Variants in LRPPRC observed in about 807,000 individuals in gnomAD.
The protein encoded by LRPPRC is leucine-rich PPR motif-containing protein, mitochondrial.
LRPPRC carries 120 observed loss-of-function variants against 180.3 expected under a neutral mutation model. The ratio of observed to expected loss-of-function variants is 0.67; its 90% confidence interval spans 0.57 to 0.77. LRPPRC has a LOEUF of 0.77. Ranked by LOEUF, LRPPRC falls within the 30% of genes least tolerant of loss-of-function variation. LRPPRC has a pLI of 0.00. For missense variants in LRPPRC, 2,012 were observed against 1,657.2 expected (o/e 1.21, Z -3.72); for synonymous variants, 723 against 600.0 (o/e 1.21, Z -3.00).
rs1372306109 is a variant in LRPPRC at position 43,928,656 on chromosome 2, T to C, written c.2737-2695A>G. ...GTCCCAGCTACTCGGGAGACTGAAA[T>C]AGGAGAACTGCTTGAGGCCAGGAGT... is the stretch of plus-strand genomic sequence containing the variant. On this transcript the variant is annotated intron_variant, in intron 25 of 37. Transcript: ENST00000260665. 2.0e-5 allele frequency among the ~76,000 whole-genome samples: 3 copies of C among 152,004 alleles called. 1 individual carries two copies. The South Asian group carries it at 6.2e-4, about 32-fold the overall frequency.
Position 43,994,610 on chromosome 2 carries a change from C to A in LRPPRC, c.149+1189G>T, listed in dbSNP as rs543587199. Among the ~76,000 whole-genome samples, 8 of 152,316 alleles carry A rather than the reference C, an allele frequency of 5.3e-5. No homozygotes were observed. In the South Asian group the frequency reaches 1.7e-3, roughly 32 times the overall value. On this transcript the variant is annotated intron_variant, in intron 1 of 37. Transcript: ENST00000260665. ...AATCTGGAGTAGGCTGCAGTCTGGG[C>A]CCAGCCTACTGCAGATCCCTGGCTC...
At chr2:43,929,957 CAAA>C (rs2105050798) in intron 25 of LRPPRC, among the ~76,000 whole-genome samples, 1 of 137,912 alleles carries the variant, frequency 7.3e-6, no homozygotes, top group Admixed American at 7.2e-5. Context: ...CAAAAACAAA[CAAA>C]CAAACAAACA....
chr2:43,903,665 G>A (rs1670966300), intron 31 of LRPPRC: 1 of 152,172 alleles, frequency 6.6e-6, no homozygotes. Flanking sequence ...GAACAGCTCA[G>A]AAGAGTAGAT....
At chr2:43,994,448 G>A (rs937364709) in intron 1 of LRPPRC, among the ~76,000 whole-genome samples, 1 of 152,192 alleles carries the variant, frequency 6.6e-6, no homozygotes, top group African/African-American at 2.4e-5. Context: ...TATACTAAGT[G>A]CTTAATACAG....
intron 22 of LRPPRC, among the ~76,000 whole-genome samples, chr2:43,944,784 G>A (rs185324043): frequency 2.2e-4 from 34 of 152,080 alleles, no homozygotes; most frequent in African/African-American, 7.5e-4. Flanking sequence ...TTATCTCAAC[G>A]AGAAAATTTG....
At chr2:43,928,023 GA>G (rs35694437) in intron 25 of LRPPRC, among the ~76,000 whole-genome samples, 90,883 of 152,080 alleles carry the variant, frequency 0.6, 28,249 homozygotes, top group East Asian at 0.95. Context: ...AATATAACAT[GA>G]AAAAACAGTT....
intron 1 of LRPPRC, among the ~76,000 whole-genome samples, chr2:43,991,539 T>C (rs934976442): frequency 2.6e-5 from 4 of 152,162 alleles, no homozygotes; most frequent in Admixed American, 2.6e-4. Flanking sequence ...ACAAGTATTA[T>C]GCTAAAAACC....
At chr2:43,949,062 TG>T (rs1345714304) in intron 16 of LRPPRC, among the ~76,000 whole-genome samples, 1 of 152,170 alleles carries the variant, frequency 6.6e-6, no homozygotes, top group Admixed American at 6.5e-5. Flanking sequence ...AATTTTCCTT[TG>T]CATTCAAGCA....
chr2:43,969,213 C>T (rs1241935438), intron 11 of LRPPRC, among the ~76,000 whole-genome samples: 1 of 152,086 alleles, frequency 6.6e-6, no homozygotes, highest in African/African-American at 2.4e-5. Flanking sequence ...GAGATCGAGA[C>T]CATTCTGGCT....
intron 14 of LRPPRC, among the ~76,000 whole-genome samples, chr2:43,951,531 TATG>T (rs1332257736): frequency 3.9e-5 from 6 of 152,224 alleles, no homozygotes; most frequent in Admixed American, 3.3e-4. Context: ...TTTTGTCAGG[TATG>T]ATATTACGGT....
Position 43,949,720 on chromosome 2 carries a change from T to G in LRPPRC, c.1678-61A>C. 13 of 1,103,244 alleles carry G rather than the reference T, an allele frequency of 1.2e-5. No individual in the cohort carries two copies. The South Asian group carries it at 1.6e-4, about 14-fold the overall frequency. The allele number at this position is 1,103,244 out of a possible 1,614,324, so 68.3% of individuals were successfully genotyped here. ...GAAGCAAACAAGAACAAACACAATC[T>G]GAAATTGAATTCTTGAAATAATAAA... On this transcript the variant is annotated intron_variant, in intron 15 of 37. Transcript: ENST00000260665.
chr2:43,947,920 TAATC>T (rs1672751091), intron 18 of LRPPRC, 145 bp from the exon 19 acceptor site: 3 of 663,146 alleles, frequency 4.5e-6, no homozygotes, highest in African/African-American at 1.8e-5. Context: ...CATACTTTAT[TAATC>T]AATGTAATTA....
chr2:43,961,630 T>C lies in LRPPRC; in HGVS notation c.1489-996A>G, dbSNP rs1043670679. The stretch of plus-strand genomic sequence containing the variant: ...TTATTATGTAATTTCTGAAAACTAA[T>C]TTAAAAATGTACTTTTTAATGCCCA... On this transcript the variant is annotated intron_variant, in intron 12 of 37. Coordinates refer to ENST00000260665, the MANE Select transcript of LRPPRC (RefSeq NM_133259.4). Among the ~76,000 whole-genome samples the C allele has an allele frequency of 2.0e-5, 3 of 152,332 alleles. No homozygotes were observed. The South Asian group carries it at 6.2e-4, about 32-fold the overall frequency.
rs566712579 is a variant in LRPPRC, at chr2:43,947,334, G to C, written c.2002C>G (p.Leu668Val). Reference sequence around the variant, plus strand: ...TGATTTTCAGCTTTTAGTGTTTCAAGTGTGGACTCCAATTCAGATGATGTA... The same window carrying C: ...TGATTTTCAGCTTTTAGTGTTTCAACTGTGGACTCCAATTCAGATGATGTA... ...QLTSSELEST[L>V]ETLKAENQPI... Residue 668 changes from leucine to valine, a missense_variant, in exon 20 of 38, where the codon CTT (leucine) becomes GTT (valine). Transcript: ENST00000260665. The C allele has an allele frequency of 6.2e-7, 1 of 1,603,230 alleles. No homozygotes were observed. The highest frequency in any genetic ancestry group is 1.1e-5 in the South Asian group (1 of 90,840).
At chr2:43,981,771 A>C (rs1674318324) in intron 2 of LRPPRC, among the ~76,000 whole-genome samples, 2 of 152,224 alleles carry the variant, frequency 1.3e-5, no homozygotes, top group Admixed American at 6.5e-5. Context: ...TATAACAAAG[A>C]AAATTAAAGT....
chr2:43,933,377 A>G (rs535560912), intron 25 of LRPPRC, among the ~76,000 whole-genome samples: 2 of 152,302 alleles, frequency 1.3e-5, no homozygotes, highest in Non-Finnish European at 2.9e-5. Context: ...TCCCCTGTAT[A>G]TTTTTGGAAA....
At position 43,957,988 on chromosome 2, in the gene LRPPRC, C is replaced by G. The variant is rs143723603; in HGVS notation, c.1583-537G>C. On this transcript the variant is annotated intron_variant, in intron 13 of 37. Transcript: ENST00000260665. ...GTAATAATAAAATAGGTCATACGTCCGTTATGTAATTGACTTATATTGATC... is the reference window on the plus strand; with the variant it reads ...GTAATAATAAAATAGGTCATACGTCGGTTATGTAATTGACTTATATTGATC... 4.5e-3 allele frequency among the ~76,000 whole-genome samples: 680 copies of G among 152,282 alleles called. 5 individuals are homozygous for G. The highest frequency in any genetic ancestry group is 7.5e-3 in the Non-Finnish European group (509 of 68,030).
chr2:43,911,302 A>AAGTAC (rs1156583494), intron 30 of LRPPRC, among the ~76,000 whole-genome samples: 1 of 151,998 alleles, frequency 6.6e-6, no homozygotes, highest in Non-Finnish European at 1.5e-5. Context: ...ACACACAGAC[A>AAGTAC]AGTACAGTCA....
intron 23 of LRPPRC, among the ~76,000 whole-genome samples, 196 bp downstream of exon 23, chr2:43,943,491 T>C (rs1040781913): frequency 2.6e-5 from 4 of 152,052 alleles, no homozygotes; most frequent in Admixed American, 6.6e-5. Context: ...GACTATTCCA[T>C]TGATATGTAA....
Sources: gnomAD v4.1 joint callset for allele counts (sites outside exome capture counted in the v4.1 genomes callset) on GRCh38, gnomAD v4.1.1 for gene constraint, MANE v1.5 for transcripts, NCBI Gene and HGNC (gene_info 2026-07-23, HGNC 2026-07-21) for gene names.